The following SGMS2 variants were observed in gnomAD, a reference collection of about 807,000 sequenced individuals.
SGMS2 encodes the protein sphingomyelin synthase 2, also known as phosphatidylcholine:ceramide cholinephosphotransferase 2.
In SGMS2, 21 loss-of-function variants were observed where a neutral mutation model predicts 43.8. The observed-to-expected ratio is 0.48, with a 90% CI of 0.34 to 0.69. The LOEUF (loss-of-function observed/expected upper bound fraction) is 0.69. Ranked by LOEUF, SGMS2 falls within the 30% of genes least tolerant of loss-of-function variation. The probability of loss-of-function intolerance (pLI) is 0.01; values close to 1 mark genes in which losing one functional copy is unlikely to be tolerated. For missense variants in SGMS2, 384 were observed against 443.2 expected (o/e 0.87, Z 1.20); for synonymous variants, 167 against 160.6 (o/e 1.04, Z -0.30).
intron 6 of SGMS2, among the ~76,000 whole-genome samples, chr4:107,909,616 G>A (rs1334660874): frequency 1.3e-5 from 2 of 152,118 alleles, no homozygotes; most frequent in African/African-American, 4.8e-5. Flanking sequence ...CTTCCAGGAA[G>A]CTGTCTCTAA....
At chr4:107,862,778 T>C (rs1445592423) in intron 2 of SGMS2, among the ~76,000 whole-genome samples, 1 of 152,210 alleles carries the variant, frequency 6.6e-6, no homozygotes, top group Non-Finnish European at 1.5e-5. Context: ...TATCCGACTG[T>C]ACCTGTGCCT....
At position 107,895,564 on chromosome 4, in the gene SGMS2, T is replaced by TAG. The variant is rs1221869749; in HGVS notation, c.15_16dup (p.Thr6ArgfsTer70). 1 of 1,613,366 alleles carries TAG rather than the reference T, an allele frequency of 6.2e-7. No homozygotes were observed. The highest frequency in any genetic ancestry group is 2.2e-5 in the East Asian group (1 of 44,864). On this transcript the variant is annotated frameshift_variant, in exon 3 of 7. Coordinates refer to ENST00000690982, the MANE Select transcript of SGMS2 (RefSeq NM_001375905.1). LOFTEE classifies it high-confidence loss of function. ...GAAGACTAGGGGACAATGGATATCA[T>TAG]AGAGACAGCAAAACTTGAAGAACAT...
chr4:107,880,880 AAAAAG>A (rs1338547562), intron 2 of SGMS2, among the ~76,000 whole-genome samples: 4 of 151,842 alleles, frequency 2.6e-5, no homozygotes, highest in Admixed American at 1.3e-4. Context: ...AAGAAAAAGA[AAAAAG>A]AAAAGAAAAA....
At chr4:107,829,116 T>C (rs28694683) in intron 1 of SGMS2, among the ~76,000 whole-genome samples, 11,588 of 152,254 alleles carry the variant, frequency 0.076, 589 homozygotes, top group African/African-American at 0.13. Flanking sequence ...TTAGCAGACT[T>C]ATCACTACCT....
chr4:107,840,960 G>T (rs901484346), intron 1 of SGMS2, among the ~76,000 whole-genome samples: 2 of 152,184 alleles, frequency 1.3e-5, no homozygotes, highest in Non-Finnish European at 2.9e-5. Flanking sequence ...CAGGCTGAGT[G>T]TACTATTGTA....
In SGMS2 at chr4:107,903,359, A is replaced by C; in HGVS notation, c.700A>C (p.Thr234Pro). Residue 234 changes from threonine (T) to proline (P), a missense_variant, in exon 5 of 7, where the codon ACA becomes CCA. Coordinates refer to ENST00000690982, the MANE Select transcript of SGMS2 (RefSeq NM_001375905.1). ...CTTCAGCGGTCACACGGTTACGCTGACACTGACTTATTTGTTCATCAAAGA... is the reference window on the plus strand; with the variant it reads ...CTTCAGCGGTCACACGGTTACGCTGCCACTGACTTATTTGTTCATCAAAGA... ...FLFSGHTVTL[T>P]LTYLFIKEYS... 1.2e-6 allele frequency: 2 copies of C among 1,613,958 alleles called. No individual in the cohort carries two copies. The highest frequency in any genetic ancestry group is 1.7e-6 in the Non-Finnish European group (2 of 1,179,894).
In SGMS2 at chr4:107,860,043, CAG is replaced by C. The variant is rs1212782828; in HGVS notation, c.-245+1493_-245+1494del. Among the ~76,000 whole-genome samples the C allele has an allele frequency of 6.6e-5, 10 of 152,110 alleles. No homozygotes were observed. In the South Asian group the frequency reaches 2.1e-3, roughly 32 times the overall value. On this transcript the variant is annotated intron_variant, in intron 2 of 6. Coordinates refer to ENST00000690982, the MANE Select transcript of SGMS2 (RefSeq NM_001375905.1). ...ACCATTTTCATACATTTCGCATTCA[CAG>C]AGTCTGCCCAAATTCTGCCTCCACC...
chr4:107,903,246 C>A lies in SGMS2; in HGVS notation c.587C>A (p.Ser196Tyr). Residue 196 changes from serine (S) to tyrosine (Y), a missense_variant, in exon 5 of 7, where the codon TCT becomes TAT. Transcript: ENST00000690982. ...TGTGTCATTCAGCTCAATGGAGACTCTCAGGCAAAAGTTCAACGGATTCTA... is the reference window on the plus strand; with the variant it reads ...TGTGTCATTCAGCTCAATGGAGACTATCAGGCAAAAGTTCAACGGATTCTA... ...FQCAPKLNGDSQAKVQRILRL... is the reference protein window; with the variant it reads ...FQCAPKLNGDYQAKVQRILRL... 6.2e-7 allele frequency: 1 copy of A among 1,614,042 alleles called. No individual in the cohort carries two copies. Among genetic ancestry groups the A allele is most frequent in the South Asian group, 1.1e-5 (1 of 91,090 alleles).
rs375744627 is a variant in SGMS2 at position 107,860,447 on chromosome 4, G to T, written c.-245+1894G>T. 1.5e-4 allele frequency among the ~76,000 whole-genome samples: 23 copies of T among 151,852 alleles called. 1 individual carries two copies. In the South Asian group the frequency reaches 4.6e-3, roughly 30 times the overall value. ...GTAGACAATATATCTATATAAACTT[G>T]TAAAGTAGAATTGCAGGTCATAAGG... On this transcript the variant is annotated intron_variant, in intron 2 of 6. Transcript: ENST00000690982.
intron 4 of SGMS2, among the ~76,000 whole-genome samples, chr4:107,901,039 G>A (rs1302495753): frequency 6.6e-6 from 1 of 152,192 alleles, no homozygotes; most frequent in East Asian, 1.9e-4. Flanking sequence ...AGTAACGGAT[G>A]AGGTTTGCAG....
In SGMS2 at chr4:107,879,751, C is replaced by T. The variant is rs189887550; in HGVS notation, c.-244-15559C>T. On this transcript the variant is annotated intron_variant, in intron 2 of 6. Transcript: ENST00000690982. ...TGCTGGGATTATAGGCGTGAGCCAC[C>T]GCACCTGGTGGGCTATACCTTAAAC... is the stretch of plus-strand genomic sequence containing the variant. 3.9e-4 allele frequency among the ~76,000 whole-genome samples: 60 copies of T among 152,210 alleles called. 2 individuals carry two copies. The East Asian group carries it at 9.3e-3, about 24-fold the overall frequency.
chr4:107,826,724 T>C (rs1302315430), intron 1 of SGMS2, among the ~76,000 whole-genome samples: 2 of 152,218 alleles, frequency 1.3e-5, no homozygotes, highest in Non-Finnish European at 2.9e-5. Flanking sequence ...CTAGTTGACT[T>C]GTGAACCTAG....
chr4:107,876,338 T>C (rs556849775), intron 2 of SGMS2, among the ~76,000 whole-genome samples: 39 of 152,300 alleles, frequency 2.6e-4, no homozygotes, highest in African/African-American at 8.9e-4. Flanking sequence ...CCACCAAATG[T>C]TCTAGCCACA....
At chr4:107,906,214 G>T (rs773982125) in intron 5 of SGMS2, among the ~76,000 whole-genome samples, 2 of 152,042 alleles carry the variant, frequency 1.3e-5, no homozygotes, top group Admixed American at 6.5e-5. Context: ...TTACTTTCCC[G>T]CCTTTTGATC....
At chr4:107,878,998 G>C (rs1458947213) in intron 2 of SGMS2, among the ~76,000 whole-genome samples, 2 of 152,088 alleles carry the variant, frequency 1.3e-5, no homozygotes, top group African/African-American at 4.8e-5. Context: ...ATCCCTGCTT[G>C]TGAGATACTC....
chr4:107,899,521 G>T, intron 3 of SGMS2, 54 bp from the exon 4 acceptor site: 1 of 1,219,798 alleles, frequency 8.2e-7, no homozygotes, highest in East Asian at 2.4e-5. Context: ...TTTTTCATTA[G>T]GAGTAAAACC....
intron 1 of SGMS2, among the ~76,000 whole-genome samples, chr4:107,840,811 G>C (rs1399976142): frequency 6.6e-6 from 1 of 152,194 alleles, no homozygotes; most frequent in Non-Finnish European, 1.5e-5. Context: ...GTAAGAGTTA[G>C]TGAATTACTA....
At chr4:107,830,941 G>A (rs1725856370) in intron 1 of SGMS2, among the ~76,000 whole-genome samples, 1 of 152,108 alleles carries the variant, frequency 6.6e-6, no homozygotes, top group African/African-American at 2.4e-5. Flanking sequence ...GATAAATAGT[G>A]GTGGTTAAAT....
At position 107,899,662 on chromosome 4, in the gene SGMS2, G is replaced by T. The variant is rs749720260; in HGVS notation, c.543G>T (p.Val181=). Residue 181 remains valine, a synonymous_variant, in exon 4 of 7, where the codon GTG becomes GTT. Transcript: ENST00000690982. The part of the protein sequence containing the change: ...CITMYVTTLP[V]PGMHFQCAPK... The stretch of plus-strand genomic sequence containing the variant: ...CAATGTATGTTACTACTCTACCTGT[G>T]CCTGGAATGCATTTCCAGTGTGCTC... The T allele has an allele frequency of 2.5e-6, 4 of 1,612,320 alleles. No homozygotes were observed. The highest frequency in any genetic ancestry group is 1.7e-5 in the Admixed American group (1 of 59,786).
Sources: allele counts gnomAD v4.1 joint callset (sites outside exome capture counted in the v4.1 genomes callset), GRCh38; gene constraint gnomAD v4.1.1; transcripts MANE v1.5; gene names NCBI Gene and HGNC (gene_info 2026-07-23, HGNC 2026-07-21).